The following ADCY3 variants were observed in gnomAD, a reference collection of about 807,000 sequenced individuals.
The protein encoded by ADCY3 is adenylate cyclase type 3.
In ADCY3, 70 loss-of-function variants were observed where a neutral mutation model predicts 119.4. The observed-to-expected ratio is 0.59, with a 90% CI of 0.48 to 0.72. ADCY3 has a LOEUF of 0.72. Ranked by LOEUF, ADCY3 falls within the 30% of genes least tolerant of loss-of-function variation. ADCY3 has a pLI of 0.00. For missense variants in ADCY3, 1,238 were observed against 1,541.6 expected (o/e 0.80, Z 3.30); for synonymous variants, 672 against 621.4 (o/e 1.08, Z -1.21).
chr2:24,858,165 A>ATTTTTT (rs113840547), intron 3 of ADCY3, among the ~76,000 whole-genome samples: 10,155 of 149,086 alleles, frequency 0.068, 409 homozygotes, highest in East Asian at 0.094. Flanking sequence ...CCATGCCTGG[A>ATTTTTT]TTTTTTTTAA....
intron 9 of ADCY3, 127 bp downstream of exon 9, chr2:24,836,790 C>T: frequency 7.2e-7 from 1 of 1,386,754 alleles, no homozygotes; most frequent in Non-Finnish European, 9.6e-7. Flanking sequence ...CAGTGCTAAG[C>T]AGGAGCAGGT....
intron 21 of ADCY3, 104 bp from the exon 22 acceptor site, chr2:24,820,218 C>A: frequency 8.1e-7 from 1 of 1,241,836 alleles, no homozygotes. Context: ...TCCATGGGTC[C>A]CAAGCAGTAC....
At chr2:24,904,165 AAGAG>A (rs1237274710) in intron 2 of ADCY3, among the ~76,000 whole-genome samples, 28 of 152,106 alleles carry the variant, frequency 1.8e-4, no homozygotes, top group Non-Finnish European at 3.1e-4. Context: ...AAGAAAGAAA[AAGAG>A]AGAGAGAGAG....
At chr2:24,854,761 ATTCC>A (rs10550392) in intron 3 of ADCY3, among the ~76,000 whole-genome samples, 6,646 of 152,230 alleles carry the variant, frequency 0.044, 469 homozygotes, top group African/African-American at 0.15. Flanking sequence ...TTTAAAATGA[ATTCC>A]CAGCCTGGGC....
chr2:24,909,462 G>C (rs1358911957), intron 2 of ADCY3, among the ~76,000 whole-genome samples: 1 of 152,140 alleles, frequency 6.6e-6, no homozygotes, highest in African/African-American at 2.4e-5. Context: ...CAGTGTCCTG[G>C]ACACAGGGGC....
rs770197713 is a variant in ADCY3, at chr2:24,822,598, G to T, written c.2916C>A (p.Thr972=). ...ACGTGCTGCCAATGGTTTTGATCTT[G>T]GTGATCACCCGGAACTTGGGATTGT... The part of the protein sequence containing the change: ...LLDNPKFRVI[T]KIKTIGSTYM... Residue 972 remains threonine (T), a synonymous_variant, in exon 19 of 22, where the codon ACC becomes ACA. Transcript: ENST00000679454. 11 of 1,614,086 alleles carry T rather than the reference G, an allele frequency of 6.8e-6. No individual in the cohort carries two copies. Among genetic ancestry groups the T allele is most frequent in the South Asian group, 1.1e-5 (1 of 91,074 alleles).
In ADCY3 at chr2:24,824,549, A is replaced by G; in HGVS notation, c.2578-13T>C. 6.2e-7 allele frequency: 1 copy of G among 1,613,704 alleles called. No homozygotes were observed. Among genetic ancestry groups the G allele is most frequent in the Non-Finnish European group, 8.5e-7 (1 of 1,179,670 alleles). On this transcript the variant is annotated splice_polypyrimidine_tract_variant and intron_variant, in intron 16 of 21. Transcript: ENST00000679454. Reference sequence around the variant, plus strand: ...CCAGTTTTTCTACCTACAGACACAGACAAGGCGAGGCATGTGCTCTAAGCT... The same window carrying G: ...CCAGTTTTTCTACCTACAGACACAGGCAAGGCGAGGCATGTGCTCTAAGCT...
intron 3 of ADCY3, among the ~76,000 whole-genome samples, chr2:24,865,360 G>A (rs577894383): frequency 3.0e-4 from 45 of 152,070 alleles, no homozygotes; most frequent in Non-Finnish European, 5.1e-4. Context: ...TAGGAGAATC[G>A]CTTAAACCCA....
intron 3 of ADCY3, among the ~76,000 whole-genome samples, chr2:24,850,598 T>G (rs1356092701): frequency 6.6e-6 from 1 of 152,080 alleles, no homozygotes; most frequent in Non-Finnish European, 1.5e-5. Flanking sequence ...GTTTCAAGAG[T>G]CACAAGAATG....
chr2:24,858,077 C>A (rs753214671), intron 3 of ADCY3, among the ~76,000 whole-genome samples: 2 of 149,686 alleles, frequency 1.3e-5, no homozygotes, highest in African/African-American at 5.0e-5. Context: ...CAGCTCACTG[C>A]ACACTGATCT....
At chr2:24,829,171 T>C (rs2148445322) in intron 13 of ADCY3, among the ~76,000 whole-genome samples, 1 of 151,822 alleles carries the variant, frequency 6.6e-6, no homozygotes, top group African/African-American at 2.4e-5. Context: ...CTCGTGCCAT[T>C]GTGGCTGGCT....
intron 3 of ADCY3, among the ~76,000 whole-genome samples, chr2:24,864,076 C>CA (rs2148750210): frequency 6.6e-6 from 1 of 152,324 alleles, no homozygotes; most frequent in South Asian, 2.1e-4. Flanking sequence ...CACCAGAGGT[C>CA]AGGAGTTCGA....
chr2:24,832,410 A>G (rs1364667648), intron 11 of ADCY3, among the ~76,000 whole-genome samples: 1 of 152,118 alleles, frequency 6.6e-6, no homozygotes, highest in African/African-American at 2.4e-5. Context: ...GCCGGGGGCT[A>G]AGAGTCTGCC....
rs147113861 is a variant in ADCY3 at position 24,826,141 on chromosome 2, G to A, written c.2496-15C>T. ...CCAGGGGCAGCCTGCTGGGCAGAGC[G>A]TGTGCAACTGAAAGGGCTGTCATCT... On this transcript the variant is annotated splice_polypyrimidine_tract_variant and intron_variant, in intron 15 of 21. Transcript: ENST00000679454. The A allele has an allele frequency of 1.3e-3, 2,126 of 1,612,174 alleles. 30 individuals carry two copies. In the East Asian group the frequency reaches 0.031, roughly 23 times the overall value.
intron 2 of ADCY3, among the ~76,000 whole-genome samples, chr2:24,881,211 ACAG>A (rs1301769134): frequency 4.0e-5 from 6 of 151,898 alleles, no homozygotes; most frequent in Non-Finnish European, 8.8e-5. Flanking sequence ...ATAAACTGAT[ACAG>A]CAGAACTGAT....
Position 24,822,499 on chromosome 2 carries a change from G to T in ADCY3, c.3003+12C>A, listed in dbSNP as rs1481529142. On this transcript the variant is annotated intron_variant, in intron 19 of 21. Coordinates refer to ENST00000679454, the MANE Select transcript of ADCY3 (RefSeq NM_004036.5). ...GCAGAGCCTCATCTCTCTGGCTACT[G>T]GGGTTAGCTACCTTGTTGGAGCTGG... 3 of 1,612,912 alleles carry T rather than the reference G, an allele frequency of 1.9e-6. No individual in the cohort carries two copies. Among genetic ancestry groups the T allele is most frequent in the Non-Finnish European group, 2.5e-6 (3 of 1,179,092 alleles).
At chr2:24,871,827 C>T (rs749744079) in intron 3 of ADCY3, among the ~76,000 whole-genome samples, 6 of 152,246 alleles carry the variant, frequency 3.9e-5, no homozygotes, top group Non-Finnish European at 5.9e-5. Context: ...CAGGCCAAAA[C>T]TATGTACAAG....
chr2:24,845,800 G>A (rs1671586585), intron 3 of ADCY3, among the ~76,000 whole-genome samples: 1 of 152,356 alleles, frequency 6.6e-6, no homozygotes, highest in Admixed American at 6.5e-5. Context: ...AGGCCCTGAG[G>A]TGTAAGAGGA....
rs1475950329 is a variant in ADCY3, at chr2:24,878,369, G to A, written c.676-5650C>T. Reference sequence around the variant, plus strand: ...AAATGGGGCTGCTCTAAGTGGGACTGTCGAGTGGAAGTCACCCCACTGGAG... The same window carrying A: ...AAATGGGGCTGCTCTAAGTGGGACTATCGAGTGGAAGTCACCCCACTGGAG... On this transcript the variant is annotated intron_variant, in intron 2 of 21. Transcript: ENST00000679454. The surrounding 1 kb of genome is among the most constrained non-coding windows in gnomAD (Gnocchi z 4.0). Among the ~76,000 whole-genome samples, 2 of 152,144 alleles carry A rather than the reference G, an allele frequency of 1.3e-5. No homozygotes were observed. Among genetic ancestry groups the A allele is most frequent in the African/African-American group, 4.8e-5 (2 of 41,420 alleles).
Sources: allele counts gnomAD v4.1 joint callset (sites outside exome capture counted in the v4.1 genomes callset), GRCh38; gene constraint gnomAD v4.1.1; non-coding constraint Gnocchi (gnomAD v3.1); transcripts MANE v1.5; gene names NCBI Gene and HGNC (gene_info 2026-07-23, HGNC 2026-07-21).